Variants in KIF1A observed in about 807,000 individuals in gnomAD.
KIF1A encodes kinesin-like protein KIF1A.
In KIF1A, 46 loss-of-function variants were observed where a neutral mutation model predicts 227.3. The observed-to-expected ratio is 0.20, with a 90% CI of 0.16 to 0.26. The LOEUF (loss-of-function observed/expected upper bound fraction) is 0.26, where lower values mean the gene tolerates loss of function less well. Among genes scored for constraint, KIF1A ranks in the 10% least tolerant of loss-of-function variants. The pLI, the probability that KIF1A is intolerant of heterozygous loss-of-function variation, is 1.00. For synonymous variants in KIF1A, 1,022 were observed against 1,012.8 expected, an observed-to-expected ratio of 1.01 and a Z score of -0.17; for missense variants, 1,683 against 2,485.9, an observed-to-expected ratio of 0.68 and a Z score of 6.87.
At chr2:240,737,399 G>C (rs1468820176) in intron 37 of KIF1A, 2 of 461,610 alleles carry the variant, frequency 4.3e-6, no homozygotes, top group Admixed American at 3.2e-5. Context: ...CGGCCACAGT[G>C]AACACCCCCG....
chr2:240,745,243 T>C lies in KIF1A; in HGVS notation c.3465+184A>G, dbSNP rs1529665. 0.57 allele frequency among the ~76,000 whole-genome samples: 86,679 copies of C among 151,810 alleles called. 25,041 individuals carry two copies. Among genetic ancestry groups the C allele is most frequent in the East Asian group, 0.67 (3,437 of 5,118 alleles). ...GCGGCCCCCATGCCCCAGCTGTAAA[T>C]CCATCAAGGGTCTCCCACTGCCCAG... On this transcript the variant is annotated intron_variant, in intron 32 of 48. Transcript: ENST00000498729.
Position 240,765,763 on chromosome 2 carries a change from G to A in KIF1A, c.1715C>T (p.Ala572Val). ...AVVTLEPCEGADTYVNGKKVT... is the reference protein window; with the variant it reads ...AVVTLEPCEGVDTYVNGKKVT... ...TTTCTTGCCATTGACGTAGGTGTCT[G>A]CCCCCTCACAGGGCTCCAAGGTCAC... Residue 572 changes from alanine to valine, a missense_variant, in exon 20 of 49, where the codon GCA becomes GTA. Coordinates refer to ENST00000498729, the MANE Select transcript of KIF1A (RefSeq NM_001244008.2). 2 of 1,613,592 alleles carry A rather than the reference G, an allele frequency of 1.2e-6. No individual in the cohort carries two copies. Among genetic ancestry groups the A allele is most frequent in the Non-Finnish European group, 1.7e-6 (2 of 1,179,774 alleles).
intron 33 of KIF1A, 56 bp from the exon 34 acceptor site, chr2:240,743,040 G>A: frequency 7.4e-7 from 1 of 1,360,222 alleles, no homozygotes; most frequent in Middle Eastern, 1.9e-4. Flanking sequence ...GGAGGGGTCA[G>A]AAGGAGACAG....
In KIF1A at chr2:240,725,575, T is replaced by A; in HGVS notation, c.4123-171A>T. 1 of 667,898 alleles carries A rather than the reference T, an allele frequency of 1.5e-6. No individual in the cohort carries two copies. Among genetic ancestry groups the A allele is most frequent in the Non-Finnish European group, 2.5e-6 (1 of 404,206 alleles). The allele number at this position is 667,898 out of a possible 1,614,324, so 41.4% of individuals were successfully genotyped here. The stretch of plus-strand genomic sequence containing the variant: ...CAGGAGAAAGTCTCTGCTCCTGCCC[T>A]CGAGAAAACCCCACTGGGGACAGGT... On this transcript the variant is annotated intron_variant, in intron 39 of 48. Coordinates refer to ENST00000498729, the MANE Select transcript of KIF1A (RefSeq NM_001244008.2). This position sits in a 1 kb window ranked among gnomAD's most constrained non-coding sequence, Gnocchi z 5.8.
At position 240,722,547 on chromosome 2, in the gene KIF1A, C is replaced by T. The variant is rs1451398807; in HGVS notation, c.4574G>A (p.Gly1525Asp). Residue 1525 changes from glycine (G) to aspartate (D), a missense_variant, in exon 43 of 49, where the codon GGC (glycine) becomes GAC (aspartate). Gly to Asp is a moderately conservative substitution (Grantham distance 94). This residue lies in a region of KIF1A where 384 missense variants were observed against 410.1 expected (regional missense o/e 0.94). Coordinates refer to ENST00000498729, the MANE Select transcript of KIF1A (RefSeq NM_001244008.2). Reference protein sequence around the residue: ...PAFSEDSESHGSSSASSPLSA... With the variant: ...PAFSEDSESHDSSSASSPLSA... ...GAGCGGGGAGGAGGCGCTGGAGGAG[C>T]CATGGGACTCAGAGTCCTCGCTGAA... The T allele has an allele frequency of 6.4e-7, 1 of 1,550,630 alleles. No individual in the cohort carries two copies. Among genetic ancestry groups the T allele is most frequent in the South Asian group, 1.2e-5 (1 of 84,054 alleles).
chr2:240,764,621 T>C (rs1227327541), intron 20 of KIF1A, among the ~76,000 whole-genome samples: 1 of 152,152 alleles, frequency 6.6e-6, no homozygotes, highest in South Asian at 2.1e-4. Flanking sequence ...AAGACAGGGT[T>C]AGGAAAGGGT....
At chr2:240,799,763 G>A (rs913709126) in intron 1 of KIF1A, among the ~76,000 whole-genome samples, 18 of 152,176 alleles carry the variant, frequency 1.2e-4, no homozygotes, top group Non-Finnish European at 2.6e-4. Flanking sequence ...TCTGCAGCAC[G>A]CCCTGGGCCT....
intron 38 of KIF1A, chr2:240,734,637 T>TG (rs1308158482): frequency 1.9e-6 from 2 of 1,042,930 alleles, no homozygotes; most frequent in Non-Finnish European, 2.7e-6. Context: ...CTCAGGGGCA[T>TG]GGGGGGCGGT....
At chr2:240,748,156 T>C (rs565797860) in intron 28 of KIF1A, among the ~76,000 whole-genome samples, 12 of 152,186 alleles carry the variant, frequency 7.9e-5, no homozygotes, top group Non-Finnish European at 1.3e-4. Flanking sequence ...TATCCCAGTC[T>C]GGTTTCCCAG....
In KIF1A at chr2:240,788,995, G is replaced by A. The variant is rs2055302339; in HGVS notation, c.183+241C>T. On this transcript the variant is annotated intron_variant, in intron 3 of 48. Coordinates refer to ENST00000498729, the MANE Select transcript of KIF1A (RefSeq NM_001244008.2). This position sits in a 1 kb window ranked among gnomAD's most constrained non-coding sequence, Gnocchi z 6.6. ...TCTGGGGGAAAAGTCACCAGCAGAT[G>A]GACGTACACACAGCTCTGACCCTGG... is the stretch of plus-strand genomic sequence containing the variant. 6.6e-6 allele frequency among the ~76,000 whole-genome samples: 1 copy of A among 152,148 alleles called. No homozygotes were observed. Among genetic ancestry groups the A allele is most frequent in the Non-Finnish European group, 1.5e-5 (1 of 68,022 alleles).
intron 38 of KIF1A, among the ~76,000 whole-genome samples, chr2:240,732,181 G>A (rs1456160495): frequency 8.9e-6 from 1 of 112,330 alleles, no homozygotes; most frequent in Non-Finnish European, 1.9e-5. Context: ...AAAGGGAGGA[G>A]AGAATGAGCG....
At chr2:240,811,980 A>G (rs2057901253) in intron 1 of KIF1A, among the ~76,000 whole-genome samples, 1 of 152,066 alleles carries the variant, frequency 6.6e-6, no homozygotes, top group African/African-American at 2.4e-5. Context: ...GGGTATGGCC[A>G]GCCGGCTGTG....
intron 10 of KIF1A, among the ~76,000 whole-genome samples, chr2:240,780,798 C>CA (rs2053595921): frequency 1.7e-4 from 6 of 34,924 alleles, no homozygotes; most frequent in African/African-American, 6.9e-4. Context: ...ACACACAGCT[C>CA]CACACACACA....
chr2:240,773,432 G>T (rs533431425), intron 12 of KIF1A, among the ~76,000 whole-genome samples, 176 bp from the exon 13 acceptor site: 5 of 152,182 alleles, frequency 3.3e-5, no homozygotes, highest in Admixed American at 1.3e-4. Flanking sequence ...ATGGCAAGTC[G>T]CTGGGGAGGG....
chr2:240,761,764 G>T (rs1156420142), intron 23 of KIF1A, among the ~76,000 whole-genome samples: 1 of 152,182 alleles, frequency 6.6e-6, no homozygotes, highest in East Asian at 1.9e-4. Flanking sequence ...AGGAGAGGCC[G>T]CCACGAGCAG....
At chr2:240,791,215 C>T (rs1267006116) in intron 2 of KIF1A, among the ~76,000 whole-genome samples, 4 of 152,242 alleles carry the variant, frequency 2.6e-5, no homozygotes, top group African/African-American at 7.2e-5. Context: ...CAGCGCCTGC[C>T]GGGACCCAAC....
chr2:240,807,126 GTGTGTATA>G (rs747336250), intron 1 of KIF1A, among the ~76,000 whole-genome samples: 1,559 of 100,926 alleles, frequency 0.015, 13 homozygotes, highest in Middle Eastern at 0.028. Flanking sequence ...GTGTGTGTGT[GTGTGTATA>G]TATATATATA....
rs915490074 is a variant in KIF1A, at chr2:240,757,658, C to A, written c.2583-64G>T. 91 of 1,508,718 alleles carry A rather than the reference C, an allele frequency of 6.0e-5. No individual in the cohort carries two copies. Among genetic ancestry groups the A allele is most frequent in the Admixed American group, 8.4e-5 (4 of 47,438 alleles). The allele number at this position is 1,508,718 out of a possible 1,614,324, so 93.5% of individuals were successfully genotyped here. A position where few individuals can be genotyped will look rare whatever the true frequency, so the allele number is the denominator to read the frequency against. ...AGCGACTCGCAGGGACGAACAGGGGCCGGGGCCGGGGCTGGGGGGCTTCTG... is the reference window on the plus strand; with the variant it reads ...AGCGACTCGCAGGGACGAACAGGGGACGGGGCCGGGGCTGGGGGGCTTCTG... On this transcript the variant is annotated intron_variant, in intron 26 of 48. Transcript: ENST00000498729. The surrounding 1 kb of genome is among the most constrained non-coding windows in gnomAD (Gnocchi z 6.2).
At chr2:240,745,374 C>T (rs2048465063) in intron 32 of KIF1A, 53 bp downstream of exon 32, 5 of 1,348,928 alleles carry the variant, frequency 3.7e-6, no homozygotes, top group South Asian at 1.2e-5. Flanking sequence ...CTCAGAGAGG[C>T]CCTGGGAGGG....
Sources: gnomAD v4.1 joint callset for allele counts (sites outside exome capture counted in the v4.1 genomes callset) on GRCh38, gnomAD v4.1.1 for gene constraint, gnomAD v4.1.1 regional missense constraint, Gnocchi (gnomAD v3.1) non-coding constraint, MANE v1.5 for transcripts, NCBI Gene and HGNC (gene_info 2026-07-23, HGNC 2026-07-21) for gene names.